Variants in RNF19A observed in about 807,000 individuals in gnomAD.
RNF19A encodes the protein ring finger protein 19A, RBR E3 ubiquitin protein ligase.
RNF19A carries 32 observed loss-of-function variants against 75.7 expected under a neutral mutation model. That is an observed-to-expected ratio of 0.42 (90% CI 0.32 to 0.57). The LOEUF is 0.57. Ranked by LOEUF, RNF19A falls within the 20% of genes least tolerant of loss-of-function variation. The pLI is 0.10. For missense variants in RNF19A, 782 were observed against 1,036.3 expected (o/e 0.75, Z 3.37); for synonymous variants, 335 against 345.2 (o/e 0.97, Z 0.33).
At chr8:100,291,071 T>C (rs1437492258) in intron 1 of RNF19A, among the ~76,000 whole-genome samples, 1 of 152,110 alleles carries the variant, frequency 6.6e-6, no homozygotes, top group East Asian at 1.9e-4. Flanking sequence ...TCCAGTATTG[T>C]ATGTATAAAG....
chr8:100,319,579 G>C lies in RNF19A; in HGVS notation c.-242-6207C>G, dbSNP rs1273397741. On this transcript the variant is annotated intron_variant, in intron 1 of 3. Transcript: ENST00000519527. ...GAGTCTCACTCTGTCATCCAGGCTG[G>C]AGTGTAATGGCACAATCTCGGCTCA... 1.3e-5 allele frequency among the ~76,000 whole-genome samples: 2 copies of C among 148,326 alleles called. 1 individual carries two copies. Among genetic ancestry groups the C allele is most frequent in the Non-Finnish European group, 3.0e-5 (2 of 67,456 alleles).
At chr8:100,313,902 C>CTTTTTTTTTTTTTTTTTTTTTTT (rs371385291), upstream of RNF19A, among the ~76,000 whole-genome samples, 1 of 132,608 alleles carries the variant, frequency 7.5e-6, no homozygotes. Flanking sequence ...AAGAGAACTA[C>CTTTTTTTTTTTTTTTTTTTTTTT]TTTTTTTTTG....
intron 5 of RNF19A, among the ~76,000 whole-genome samples, chr8:100,268,119 T>C (rs1820075850): frequency 6.6e-6 from 1 of 152,082 alleles, no homozygotes; most frequent in African/African-American, 2.4e-5. Flanking sequence ...TTTTTTCTTT[T>C]AGCTATATTC....
chr8:100,312,231 A>G (rs914542827), upstream of RNF19A: 4 of 152,236 alleles, frequency 2.6e-5, no homozygotes, highest in African/African-American at 9.7e-5. Context: ...ATTTGGCTGC[A>G]TATTCTTATG....
intron 2 of RNF19A, among the ~76,000 whole-genome samples, chr8:100,276,292 A>T (rs1325876281): frequency 1.3e-5 from 2 of 152,154 alleles, no homozygotes. Context: ...ACCTTAGGTG[A>T]CTCTTCAGAG....
At chr8:100,314,198 G>GCGTA (rs1374135651), upstream of RNF19A, among the ~76,000 whole-genome samples, 13 of 151,716 alleles carry the variant, frequency 8.6e-5, no homozygotes, top group South Asian at 1.9e-3. The surrounding 1 kb of genome is among the most constrained non-coding windows in gnomAD (Gnocchi z 4.1). Flanking sequence ...ACTCTTTATT[G>GCGTA]CATACATACT....
intron 2 of RNF19A, among the ~76,000 whole-genome samples, chr8:100,283,822 T>C (rs1820893929): frequency 6.6e-6 from 1 of 152,212 alleles, no homozygotes; most frequent in Non-Finnish European, 1.5e-5. Context: ...ATAAAAGGGT[T>C]AAATACTACC....
chr8:100,306,816 G>A (rs551531107), intron 1 of RNF19A, among the ~76,000 whole-genome samples: 11 of 152,222 alleles, frequency 7.2e-5, no homozygotes, highest in African/African-American at 2.4e-4. Flanking sequence ...TACTAACAGA[G>A]AACTGGCATG....
rs1391576283 is a variant in RNF19A, at chr8:100,317,040, GAC to G, written c.-242-3670_-242-3669del. Among the ~76,000 whole-genome samples the G allele has an allele frequency of 6.6e-6, 1 of 151,798 alleles. No individual in the cohort carries two copies. Among genetic ancestry groups the G allele is most frequent in the African/African-American group, 2.4e-5 (1 of 41,398 alleles). On this transcript the variant is annotated intron_variant, in intron 1 of 3. Coordinates refer to the RNF19A transcript ENST00000519527. This position sits in a 1 kb window ranked among gnomAD's most constrained non-coding sequence, Gnocchi z 4.3. ...GGGTGCTAAGTCCCTCATTGCCCGG[GAC>G]CAGCAGCGCTGCCCGGCTACTCTGA...
intron 1 of RNF19A, among the ~76,000 whole-genome samples, chr8:100,295,854 C>T (rs1821530276): frequency 6.6e-6 from 1 of 152,158 alleles, no homozygotes; most frequent in Non-Finnish European, 1.5e-5. Flanking sequence ...TATCATATAT[C>T]ACTTTCTCTT....
At position 100,264,286 on chromosome 8, in the gene RNF19A, T is replaced by C. The variant is rs889335265; in HGVS notation, c.1307-91A>G. ...TTAGAAAGTCTTTTCAAGAGAGTCA[T>C]ACAGAGAAAAGCGCCAGGGTTCTGA... On this transcript the variant is annotated intron_variant, in intron 6 of 9. Coordinates refer to ENST00000341084, the MANE Select transcript of RNF19A (RefSeq NM_183419.4). The surrounding 1 kb of genome is among the most constrained non-coding windows in gnomAD (Gnocchi z 4.7). 6 of 1,145,434 alleles carry C rather than the reference T, an allele frequency of 5.2e-6. No homozygotes were observed. Among genetic ancestry groups the C allele is most frequent in the African/African-American group, 4.7e-5 (3 of 63,770 alleles). 71.0% of individuals were successfully genotyped at this position (1,145,434 alleles called of 1,614,324 possible).
chr8:100,287,866 A>G lies in RNF19A; in HGVS notation c.309T>C (p.Thr103=), dbSNP rs1451334159. 6.2e-7 allele frequency: 1 copy of G among 1,614,214 alleles called. No individual in the cohort carries two copies. The highest frequency in any genetic ancestry group is 8.5e-7 in the Non-Finnish European group (1 of 1,180,036). The change falls in exon 2 of 10, where the codon ACT becomes ACC. Residue 103 remains threonine (T), a synonymous_variant. Transcript: ENST00000341084. This position sits in a 1 kb window ranked among gnomAD's most constrained non-coding sequence, Gnocchi z 4.1. ...TTGTAGAGAAAATGGAGTTCTTATC[A>G]GTACACATTTCAGAATGTATACTTT... ...SIESIHSEMC[T]DKNSIFSTNT...
chr8:100,318,266 T>C (rs1218321007), intron 1 of RNF19A, among the ~76,000 whole-genome samples: 1 of 152,240 alleles, frequency 6.6e-6, no homozygotes, highest in African/African-American at 2.4e-5. Context: ...CCCTTGGCTG[T>C]GAGAAAGCTT....
rs994081816 is a variant in RNF19A at position 100,261,441 on chromosome 8, T to C, written c.1682+101A>G. The C allele has an allele frequency of 8.8e-6, 9 of 1,025,698 alleles. No homozygotes were observed. The highest frequency in any genetic ancestry group is 6.2e-4 in the Middle Eastern group (2 of 3,216). The allele number at this position is 1,025,698 out of a possible 1,614,324, so 63.5% of individuals were successfully genotyped here. ...ATTACTATTTTGAACCTTGACATAG[T>C]AGGGTTATATATAATCATCATGCTT... is the stretch of plus-strand genomic sequence containing the variant. On this transcript the variant is annotated intron_variant, in intron 8 of 9. Coordinates refer to ENST00000341084, the MANE Select transcript of RNF19A (RefSeq NM_183419.4). The surrounding 1 kb of genome is among the most constrained non-coding windows in gnomAD (Gnocchi z 4.4).
chr8:100,325,128 G>A lies in RNF19A; in HGVS notation c.-243+10980C>T, dbSNP rs779232640. Among the ~76,000 whole-genome samples, 12 of 152,040 alleles carry A rather than the reference G, an allele frequency of 7.9e-5. No individual in the cohort carries two copies. Among genetic ancestry groups the A allele is most frequent in the Non-Finnish European group, 1.6e-4 (11 of 68,014 alleles). The stretch of plus-strand genomic sequence containing the variant: ...TCACCATGTTGGTCAGGCTGGTCTC[G>A]AACTCCTGACCTCAGGTGATCCACC... On this transcript the variant is annotated intron_variant, in intron 1 of 3. Coordinates refer to the RNF19A transcript ENST00000519527. The surrounding 1 kb of genome is among the most constrained non-coding windows in gnomAD (Gnocchi z 4.3).
chr8:100,291,268 CTAAA>C (rs1312954321), intron 1 of RNF19A, among the ~76,000 whole-genome samples: 1 of 152,158 alleles, frequency 6.6e-6, no homozygotes, highest in Admixed American at 6.5e-5. Flanking sequence ...CGGCACCGTA[CTAAA>C]TGTTAGCTGA....
chr8:100,270,858 G>A (rs1056188916), intron 3 of RNF19A, among the ~76,000 whole-genome samples: 7 of 152,048 alleles, frequency 4.6e-5, no homozygotes, highest in South Asian at 2.1e-4. Flanking sequence ...GCACAATGGC[G>A]TCAAGTTAAA....
chr8:100,283,565 CAA>C (rs1820880234), intron 2 of RNF19A, among the ~76,000 whole-genome samples: 1 of 152,204 alleles, frequency 6.6e-6, no homozygotes, highest in East Asian at 1.9e-4. Flanking sequence ...TCCTAGCCCT[CAA>C]AAGAGTGGAA....
intron 3 of RNF19A, among the ~76,000 whole-genome samples, chr8:100,271,100 T>C (rs1426326751): frequency 6.6e-6 from 1 of 152,096 alleles, no homozygotes; most frequent in Non-Finnish European, 1.5e-5. Context: ...AAACTTTACC[T>C]GTGCTTTATC....
Sources: gnomAD v4.1 joint callset for allele counts (sites outside exome capture counted in the v4.1 genomes callset) on GRCh38, gnomAD v4.1.1 for gene constraint, Gnocchi (gnomAD v3.1) non-coding constraint, MANE v1.5 for transcripts, NCBI Gene and HGNC (gene_info 2026-07-23, HGNC 2026-07-21) for gene names.